KLF8: variants seen among roughly 807,000 people sequenced by gnomAD.
KLF8 encodes the protein Krueppel-like factor 8.
KLF8 carries 10 observed loss-of-function variants against 18.2 expected under a neutral mutation model. That is an observed-to-expected ratio of 0.55 (90% confidence interval 0.34 to 0.93). The LOEUF (loss-of-function observed/expected upper bound fraction) is 0.93. Ranked by LOEUF, KLF8 falls within the 40% of genes least tolerant of loss-of-function variation. KLF8 has a pLI of 0.02. For missense variants in KLF8, 264 were observed against 277.9 expected (o/e 0.95, Z 0.36); for synonymous variants, 109 against 97.3 (o/e 1.12, Z -0.71).
the KLF8 span, among the ~76,000 whole-genome samples, chrX:56,090,824 A>C: frequency 9.0e-6 from 1 of 111,564 alleles, no homozygotes; most frequent in South Asian, 3.8e-4. Flanking sequence ...TTTTCCCCTC[A>C]GTCCATGTGT....
the KLF8 span, among the ~76,000 whole-genome samples, chrX:56,095,363 G>C: frequency 8.9e-5 from 10 of 112,439 alleles, no homozygotes; most frequent in East Asian, 2.8e-3. Context: ...AAAACTATAA[G>C]AACACTAGAA....
chrX:55,957,554 C>T, the KLF8 span, among the ~76,000 whole-genome samples: 1 of 111,917 alleles, frequency 8.9e-6, no homozygotes, highest in African/African-American at 3.2e-5. Context: ...TTTGTGTTTT[C>T]ATTATTTTCT....
At chrX:55,939,682 G>C in the KLF8 span, among the ~76,000 whole-genome samples, 1 of 111,400 alleles carries the variant, frequency 9.0e-6, no homozygotes, top group Non-Finnish European at 1.9e-5. Flanking sequence ...AATAAAAAAT[G>C]ATAAAGGGGA....
the KLF8 span, among the ~76,000 whole-genome samples, chrX:56,181,288 C>G: frequency 1.7e-3 from 188 of 109,981 alleles, no homozygotes; most frequent in Non-Finnish European, 2.7e-3. Context: ...ATTGCAAGCC[C>G]TGCTTTTTTT....
At chrX:55,919,595 A>T in the KLF8 span, among the ~76,000 whole-genome samples, 1 of 110,828 alleles carries the variant, frequency 9.0e-6, no homozygotes, top group Non-Finnish European at 1.9e-5. Context: ...GAGGCCTGTG[A>T]CTGCCAGGTG....
chrX:56,175,364 C>T, the KLF8 span, among the ~76,000 whole-genome samples: 26 of 112,055 alleles, frequency 2.3e-4, no homozygotes, highest in East Asian at 7.3e-3. Context: ...ACCGAGTAGT[C>T]ATTCATGAGC....
chrX:56,064,465 T>A, the KLF8 span, among the ~76,000 whole-genome samples: 57 of 110,873 alleles, frequency 5.1e-4, no homozygotes, highest in Admixed American at 4.9e-3. Context: ...AAAAATTCAT[T>A]CTGCCAGTCA....
the KLF8 span, among the ~76,000 whole-genome samples, chrX:56,114,425 A>G: frequency 2.7e-5 from 3 of 112,781 alleles, no homozygotes; most frequent in Non-Finnish European, 5.6e-5. Flanking sequence ...ATCTTGCGCA[A>G]GTGCTTGTTT....
At chrX:55,998,793 C>T in the KLF8 span, among the ~76,000 whole-genome samples, 2 of 93,136 alleles carry the variant, frequency 2.1e-5, no homozygotes, top group African/African-American at 4.1e-5. Flanking sequence ...CTGTATGTTG[C>T]CTACTTGGTC....
chrX:56,271,383 A>T (rs1210557022), intron 5 of KLF8, among the ~76,000 whole-genome samples: 1 of 111,831 alleles, frequency 8.9e-6, no homozygotes, highest in East Asian at 2.8e-4. Flanking sequence ...CCAGGAATTC[A>T]AAGAAACCTG....
chrX:55,964,325 C>G, the KLF8 span, among the ~76,000 whole-genome samples: 8 of 112,130 alleles, frequency 7.1e-5, no homozygotes, highest in Non-Finnish European at 1.5e-4. Context: ...CCTGTATTCC[C>G]AGCACTTTGG....
chrX:56,266,437 A>AT, intron 3 of KLF8: 2 of 714,606 alleles, frequency 2.8e-6, no homozygotes, highest in Non-Finnish European at 3.3e-6. Context: ...CTCTATCTTA[A>AT]TTTTTTTATG....
the KLF8 span, among the ~76,000 whole-genome samples, chrX:56,115,607 C>T: frequency 6.3e-5 from 7 of 111,694 alleles, no homozygotes; most frequent in African/African-American, 2.3e-4. Flanking sequence ...GGAGTGCCCT[C>T]AGGCCATGAG....
the KLF8 span, among the ~76,000 whole-genome samples, chrX:56,031,896 C>T: frequency 3.6e-5 from 4 of 111,412 alleles, no homozygotes; most frequent in African/African-American, 1.3e-4. Context: ...GGGCCGTGAT[C>T]GATCGAGCGA....
chrX:55,946,342 A>T, the KLF8 span, among the ~76,000 whole-genome samples: 4 of 111,761 alleles, frequency 3.6e-5, no homozygotes, highest in Non-Finnish European at 7.5e-5. Context: ...CATATCTACA[A>T]CTATCTGATC....
the KLF8 span, among the ~76,000 whole-genome samples, chrX:56,029,016 G>C: frequency 9.0e-6 from 1 of 110,847 alleles, no homozygotes; most frequent in East Asian, 2.9e-4. Flanking sequence ...AAGCTTTCAA[G>C]TGTCTAAAAT....
chrX:56,233,971 G>A (rs1310191256), intron 1 of KLF8, among the ~76,000 whole-genome samples: 1 of 111,486 alleles, frequency 9.0e-6, no homozygotes, highest in Non-Finnish European at 1.9e-5. Flanking sequence ...AAGGCAGTTG[G>A]TTCGTCTGTG....
chrX:55,947,072 A>T, the KLF8 span, among the ~76,000 whole-genome samples: 8 of 111,654 alleles, frequency 7.2e-5, no homozygotes, highest in Non-Finnish European at 1.3e-4. Context: ...TGTGGAAGTC[A>T]GTGTGGCGAT....
the KLF8 span, among the ~76,000 whole-genome samples, chrX:56,099,325 G>A: frequency 9.0e-6 from 1 of 111,370 alleles, no homozygotes; most frequent in Non-Finnish European, 1.9e-5. Flanking sequence ...ATTGAGAAAT[G>A]TTATGTGTGT....
Sources: gnomAD v4.1 joint callset for allele counts (sites outside exome capture counted in the v4.1 genomes callset) on GRCh38, gnomAD v4.1.1 for gene constraint, MANE v1.5 for transcripts, NCBI Gene and HGNC (gene_info 2026-07-23, HGNC 2026-07-21) for gene names.